Variants in COL13A1 observed in about 807,000 individuals in gnomAD.
COL13A1 encodes the protein collagen type XIII alpha 1 chain.
In COL13A1, 89 loss-of-function variants were observed where a neutral mutation model predicts 130.9. The ratio of observed to expected loss-of-function variants is 0.68; its 90% CI spans 0.57 to 0.81. The LOEUF (loss-of-function observed/expected upper bound fraction) is 0.81, where lower values mean the gene tolerates loss of function less well. Ranked by LOEUF, COL13A1 falls within the 30% of genes least tolerant of loss-of-function variation. COL13A1 has a pLI of 0.00. For missense variants in COL13A1, 879 were observed against 934.6 expected, an observed-to-expected ratio of 0.94 and a Z score of 0.78; for synonymous variants, 402 against 341.6, an observed-to-expected ratio of 1.18 and a Z score of -1.95.
chr10:69,822,447 C>A lies in COL13A1; in HGVS notation c.364+9C>A. 2 of 1,581,674 alleles carry A rather than the reference C, an allele frequency of 1.3e-6. No individual in the cohort carries two copies. The highest frequency in any genetic ancestry group is 8.6e-7 in the Non-Finnish European group (1 of 1,164,280). On this transcript the variant is annotated intron_variant, in intron 2 of 40. Transcript: ENST00000645393. ...ATGTAACTGCCCACCAGGTAAGCAG[C>A]CCTGCAAATAGGTGACCGCGGATGT...
At chr10:69,932,864 C>T (rs573905018) in intron 31 of COL13A1, among the ~76,000 whole-genome samples, 4 of 152,202 alleles carry the variant, frequency 2.6e-5, no homozygotes, top group South Asian at 2.1e-4. Context: ...TTGCCGGGCA[C>T]GGTGGCTCAC....
chr10:69,880,416 C>T (rs2060010783), intron 6 of COL13A1, 87 bp from the exon 7 acceptor site: 5 of 805,070 alleles, frequency 6.2e-6, no homozygotes, highest in Admixed American at 2.0e-5. Flanking sequence ...CCTGCCAGCT[C>T]CTTCCCTTTG....
chr10:69,931,646 C>G (rs2066136174), intron 30 of COL13A1, among the ~76,000 whole-genome samples: 1 of 152,198 alleles, frequency 6.6e-6, no homozygotes. Flanking sequence ...CCAGACCTGT[C>G]CACTGCACCA....
In COL13A1 at chr10:69,923,854, A is replaced by G. The variant is rs777746946; in HGVS notation, c.1283A>G (p.Lys428Arg). 31 of 1,611,652 alleles carry G rather than the reference A, an allele frequency of 1.9e-5. No homozygotes were observed. The South Asian group carries it at 3.3e-4, about 17-fold the overall frequency. ...GGCCCCCCAGGGCAGCCAGGAGACA[A>G]GGTACAGAGACCCCCACATCCCAGA... ...QVGPPGQPGD[K>R]GERGAAGEQG... The change falls in exon 24 of 41, where the codon AAG (lysine) becomes AGG (arginine). Residue 428 changes from lysine to arginine, a missense_variant and splice_region_variant. By Grantham distance (26) the Lys-to-Arg change is conservative. Coordinates refer to ENST00000645393, the MANE Select transcript of COL13A1 (RefSeq NM_001368882.1).
At chr10:69,876,811 G>A (rs2059615445) in intron 5 of COL13A1, among the ~76,000 whole-genome samples, 1 of 152,224 alleles carries the variant, frequency 6.6e-6, no homozygotes, top group South Asian at 2.1e-4. Flanking sequence ...TTGTGCCCAA[G>A]CCAACTGTGG....
intron 2 of COL13A1, among the ~76,000 whole-genome samples, chr10:69,831,746 C>T (rs1039528642): frequency 2.6e-5 from 4 of 152,212 alleles, no homozygotes; most frequent in Non-Finnish European, 4.4e-5. Flanking sequence ...GGACTGGCTT[C>T]AGGACTTGCA....
At chr10:69,917,727 T>C (rs937745552) in intron 18 of COL13A1, among the ~76,000 whole-genome samples, 1 of 141,714 alleles carries the variant, frequency 7.1e-6, no homozygotes, top group African/African-American at 2.6e-5. Flanking sequence ...AAAGCTGATA[T>C]GAAAACAGGG....
rs2131975763 is a variant in COL13A1 at position 69,802,430 on chromosome 10, G to A, written c.7G>A (p.Ala3Thr). The change falls in exon 1 of 41, where the codon GCG (alanine) becomes ACG (threonine). Residue 3 changes from alanine (A) to threonine (T), a missense_variant. Ala to Thr is a moderately conservative substitution (Grantham distance 58). This residue lies in a region of COL13A1 where 715 missense variants were observed against 721.0 expected (regional missense o/e 0.99). Transcript: ENST00000645393. ...GTTCTCAAGACGCGAGAGGATGGTA[G>A]CGGAGCGCACCCACAAAGCGGCAGC... MVAERTHKAAATG... is the reference protein window; with the variant it reads MVTERTHKAAATG... 1 of 1,497,532 alleles carries A rather than the reference G, an allele frequency of 6.7e-7. No individual in the cohort carries two copies. Among genetic ancestry groups the A allele is most frequent in the Non-Finnish European group, 8.9e-7 (1 of 1,129,530 alleles). The allele number at this position is 1,497,532 out of a possible 1,614,324, so 92.8% of individuals were successfully genotyped here. A position where few individuals can be genotyped will look rare whatever the true frequency, so the allele number is the denominator to read the frequency against.
intron 34 of COL13A1, among the ~76,000 whole-genome samples, chr10:69,939,518 A>T (rs1215082456): frequency 1.3e-5 from 2 of 152,164 alleles, no homozygotes; most frequent in East Asian, 3.9e-4. Flanking sequence ...GTACATGGAT[A>T]TTTAGCTACC....
At chr10:69,944,769 C>G (rs2068220341) in intron 36 of COL13A1, among the ~76,000 whole-genome samples, 1 of 152,156 alleles carries the variant, frequency 6.6e-6, no homozygotes, top group Non-Finnish European at 1.5e-5. Flanking sequence ...TGGCTTCTGG[C>G]CACCTTGTGT....
intron 31 of COL13A1, among the ~76,000 whole-genome samples, chr10:69,933,859 A>G: frequency 6.6e-6 from 1 of 152,188 alleles, no homozygotes; most frequent in East Asian, 1.9e-4. Context: ...CGTGCCAAGC[A>G]CCGCACTAAG....
intron 2 of COL13A1, among the ~76,000 whole-genome samples, chr10:69,826,630 A>C (rs1443410276): frequency 6.6e-6 from 1 of 152,202 alleles, no homozygotes; most frequent in Non-Finnish European, 1.5e-5. Context: ...GAGGCCTTGG[A>C]GGTTGTTCAA....
chr10:69,871,376 C>T (rs1385707667), intron 3 of COL13A1, among the ~76,000 whole-genome samples: 1 of 152,072 alleles, frequency 6.6e-6, no homozygotes, highest in African/African-American at 2.4e-5. Flanking sequence ...ACAGGAAAGT[C>T]CCTACCTCAG....
intron 14 of COL13A1, among the ~76,000 whole-genome samples, chr10:69,900,451 A>G (rs2135054063): frequency 6.6e-6 from 1 of 152,350 alleles, no homozygotes; most frequent in African/African-American, 2.4e-5. Context: ...TGGTGAAGCC[A>G]GAACTTTCTG....
rs1589514651 is a variant in COL13A1, at chr10:69,919,072, G to A, written c.1010G>A (p.Gly337Glu). The change falls in exon 20 of 41, where the codon GGG (glycine) becomes GAG (glutamate). Residue 337 changes from glycine to glutamate, a missense_variant. Gly to Glu is a moderately conservative substitution (Grantham distance 98). This residue lies in a region of COL13A1 where 715 missense variants were observed against 721.0 expected (regional missense o/e 0.99). Coordinates refer to ENST00000645393, the MANE Select transcript of COL13A1 (RefSeq NM_001368882.1). ...IAVAGMKGEP[G>E]IPGTKGDPGA... ...TCTTTTTCCACACAGGGTGAGCCAG[G>A]GATCCCAGGAACCAAGGTACTGATG... 6.2e-7 allele frequency: 1 copy of A among 1,613,974 alleles called. No individual in the cohort carries two copies. Among genetic ancestry groups the A allele is most frequent in the South Asian group, 1.1e-5 (1 of 91,070 alleles).
intron 2 of COL13A1, among the ~76,000 whole-genome samples, chr10:69,844,648 G>A (rs965667541): frequency 6.6e-5 from 10 of 152,360 alleles, no homozygotes; most frequent in African/African-American, 2.2e-4. Flanking sequence ...TTGGCATAGC[G>A]ACAAGAGATA....
At chr10:69,811,402 T>C (rs1843010322) in intron 1 of COL13A1, among the ~76,000 whole-genome samples, 1 of 152,134 alleles carries the variant, frequency 6.6e-6, no homozygotes, top group Non-Finnish European at 1.5e-5. Flanking sequence ...TCTGATAAGG[T>C]GGCCTGTAGG....
chr10:69,938,106 AC>A (rs2067179189), intron 34 of COL13A1, among the ~76,000 whole-genome samples: 1 of 152,106 alleles, frequency 6.6e-6, no homozygotes, highest in Non-Finnish European at 1.5e-5. Context: ...TCCCAGAGGG[AC>A]CCCAAGAGAA....
At chr10:69,928,664 G>A (rs1024787069) in intron 27 of COL13A1, among the ~76,000 whole-genome samples, 5 of 152,194 alleles carry the variant, frequency 3.3e-5, no homozygotes, top group Non-Finnish European at 5.9e-5. Context: ...GGAGCCCAAA[G>A]GGCGACCAGA....
Sources: gnomAD v4.1 joint callset for allele counts (sites outside exome capture counted in the v4.1 genomes callset) on GRCh38, gnomAD v4.1.1 for gene constraint, gnomAD v4.1.1 regional missense constraint, MANE v1.5 for transcripts, NCBI Gene and HGNC (gene_info 2026-07-23, HGNC 2026-07-21) for gene names.